DCP2: variants seen among roughly 807,000 people sequenced by gnomAD.
DCP2 encodes the protein decapping mRNA 2.
Under a neutral mutation model 56.1 loss-of-function variants are expected in DCP2, and 30 were observed. The observed-to-expected ratio is 0.53, with a 90% confidence interval of 0.40 to 0.73. The LOEUF (loss-of-function observed/expected upper bound fraction) is 0.73. Ranked by LOEUF, DCP2 falls within the 30% of genes least tolerant of loss-of-function variation. The probability of loss-of-function intolerance (pLI) is 0.00; values close to 1 mark genes in which losing one functional copy is unlikely to be tolerated. For missense variants in DCP2, 533 were observed against 502.7 expected (o/e 1.06, Z -0.58); for synonymous variants, 197 against 163.3 (o/e 1.21, Z -1.57).
chr5:113,020,061 A>G lies in DCP2; in HGVS notation c.*6577A>G, dbSNP rs982079851. ...ATGTTAATGGAGGATACATAGTCTT[A>G]AAACAATTTGTTTGGGAGTAAGTTT... On this transcript the variant is annotated 3_prime_UTR_variant, in exon 11 of 11. Coordinates refer to ENST00000389063, the MANE Select transcript of DCP2 (RefSeq NM_152624.6). 3 of 152,260 alleles carry G rather than the reference A, an allele frequency of 2.0e-5. No homozygotes were observed. Among genetic ancestry groups the G allele is most frequent in the Admixed American group, 2.0e-4 (3 of 15,290 alleles). 9.4% of individuals were successfully genotyped at this position (152,260 alleles called of 1,614,324 possible).
intron 1 of DCP2, among the ~76,000 whole-genome samples, chr5:112,983,446 G>C (rs1479920350): frequency 6.6e-6 from 1 of 152,164 alleles, no homozygotes; most frequent in Non-Finnish European, 1.5e-5. Flanking sequence ...TCACATTGTT[G>C]ACCAGGCTGA....
intron 1 of DCP2, chr5:112,984,699 A>ATATATATATATAT (rs377520502): frequency 7.5e-4 from 59 of 78,486 alleles, no homozygotes; most frequent in African/African-American, 2.9e-3. Flanking sequence ...AAAAAAAAAA[A>ATATATATATATAT]AAAAATATAT....
In DCP2 at chr5:113,022,173, TAAATG is replaced by T. The variant is rs879071897; in HGVS notation, c.*8690_*8694del. 1.3e-5 allele frequency: 2 copies of T among 152,564 alleles called. No individual in the cohort carries two copies. Among genetic ancestry groups the T allele is most frequent in the East Asian group, 1.9e-4 (1 of 5,204 alleles). The allele number at this position is 152,564 out of a possible 1,614,324, so 9.5% of individuals were successfully genotyped here. A position where few individuals can be genotyped will look rare whatever the true frequency, so the allele number is the denominator to read the frequency against. On this transcript the variant is annotated 3_prime_UTR_variant, in exon 11 of 11. Transcript: ENST00000389063. The stretch of plus-strand genomic sequence containing the variant: ...AATATTATAAATGTCTCTGTATAAA[TAAATG>T]GAGTTTTTAAAAAACAATTCTATAT...
intron 10 of DCP2, among the ~76,000 whole-genome samples, chr5:113,012,501 C>G (rs1408618039): frequency 6.6e-6 from 1 of 152,152 alleles, no homozygotes; most frequent in East Asian, 1.9e-4. Context: ...TCTTTCTACC[C>G]CAGCCTCTTG....
rs1412947397 is a variant in DCP2 at position 113,022,190 on chromosome 5, AAAC to A, written c.*8709_*8711del. Reference sequence around the variant, plus strand: ...TGTATAAATAAATGGAGTTTTTAAAAAACAATTCTATATCAAATAACGCAAAGT... The same window carrying A: ...TGTATAAATAAATGGAGTTTTTAAAAAATTCTATATCAAATAACGCAAAGT... On this transcript the variant is annotated 3_prime_UTR_variant, in exon 11 of 11. Coordinates refer to ENST00000389063, the MANE Select transcript of DCP2 (RefSeq NM_152624.6). The A allele has an allele frequency of 1.3e-5, 2 of 152,664 alleles. No individual in the cohort carries two copies. Among genetic ancestry groups the A allele is most frequent in the East Asian group, 1.9e-4 (1 of 5,194 alleles). The allele number at this position is 152,664 out of a possible 1,614,324, so 9.5% of individuals were successfully genotyped here. A position where few individuals can be genotyped will look rare whatever the true frequency, so the allele number is the denominator to read the frequency against.
chr5:113,001,767 G>A, intron 7 of DCP2, 93 bp downstream of exon 7: 1 of 1,208,900 alleles, frequency 8.3e-7, no homozygotes, highest in African/African-American at 1.5e-5. Flanking sequence ...GAGGATGTAA[G>A]ATTTCTTTTT....
chr5:113,017,247 C>T lies in DCP2; in HGVS notation c.*3763C>T, dbSNP rs1438836309. Reference sequence around the variant, plus strand: ...AATTTTGACTTGGATTATTTTCTAGCCTGGGGGATGGGGTTCATATGTGTT... The same window carrying T: ...AATTTTGACTTGGATTATTTTCTAGTCTGGGGGATGGGGTTCATATGTGTT... On this transcript the variant is annotated 3_prime_UTR_variant, in exon 11 of 11. Transcript: ENST00000389063. The T allele has an allele frequency of 6.6e-6, 1 of 152,140 alleles. No individual in the cohort carries two copies. The highest frequency in any genetic ancestry group is 1.5e-5 in the Non-Finnish European group (1 of 68,030). The allele number at this position is 152,140 out of a possible 1,614,324, so 9.4% of individuals were successfully genotyped here.
chr5:113,000,133 A>AT (rs1407594646), intron 4 of DCP2, among the ~76,000 whole-genome samples: 7 of 151,456 alleles, frequency 4.6e-5, no homozygotes, highest in South Asian at 2.1e-4. Context: ...TTTTATCTAC[A>AT]TTTTTTTGTA....
chr5:113,000,399 TACACAC>T (rs758225763), intron 4 of DCP2, among the ~76,000 whole-genome samples: 2 of 123,590 alleles, frequency 1.6e-5, no homozygotes, highest in Non-Finnish European at 3.6e-5. Context: ...ACTTGTCTAA[TACACAC>T]ACACACACAC....
chr5:113,007,621 C>T (rs1749500265), intron 8 of DCP2, among the ~76,000 whole-genome samples: 2 of 151,944 alleles, frequency 1.3e-5, no homozygotes, highest in South Asian at 2.1e-4. Context: ...AGGATGGTCT[C>T]ATCTCAACCT....
Position 113,021,652 on chromosome 5 carries a change from TTTA to T in DCP2, c.*8171_*8173del, listed in dbSNP as rs1233973811. Among the ~76,000 whole-genome samples, 1 of 151,718 alleles carries T rather than the reference TTTA, an allele frequency of 6.6e-6. No individual in the cohort carries two copies. The highest frequency in any genetic ancestry group is 1.9e-4 in the East Asian group (1 of 5,174). The stretch of plus-strand genomic sequence containing the variant: ...AGACCTCAGCTATATGATAGTAACT[TTTA>T]TTTTAAATTCTCAAAAGGAGAGTGA... On this transcript the variant is annotated 3_prime_UTR_variant, in exon 11 of 11. Transcript: ENST00000389063.
chr5:112,980,320 G>T (rs1220095955), intron 1 of DCP2, among the ~76,000 whole-genome samples: 1 of 152,154 alleles, frequency 6.6e-6, no homozygotes, highest in Admixed American at 6.5e-5. Context: ...GTATTTTCTG[G>T]CAACTAGTGT....
At chr5:112,977,460 C>T (rs2150163273) in intron 1 of DCP2, among the ~76,000 whole-genome samples, 1 of 152,276 alleles carries the variant, frequency 6.6e-6, no homozygotes, top group African/African-American at 2.4e-5. Flanking sequence ...GCGCAAGGAG[C>T]AAATTTTCGG....
rs1461966208 is a variant in DCP2, at chr5:112,986,525, T to TG, written c.205+544dup. ...ATTTTTTTTTTATGTTTTCTAAAAATGGGGGTCTCTCTTTGTTGCTGAGGC... is the reference window on the plus strand; with the variant it reads ...ATTTTTTTTTTATGTTTTCTAAAAATGGGGGGTCTCTCTTTGTTGCTGAGGC... On this transcript the variant is annotated intron_variant, in intron 2 of 10. Transcript: ENST00000389063. Among the ~76,000 whole-genome samples, 4 of 151,856 alleles carry TG rather than the reference T, an allele frequency of 2.6e-5. No individual in the cohort carries two copies. The East Asian group carries it at 7.7e-4, about 29-fold the overall frequency.
At chr5:112,989,161 A>G (rs1406603773) in intron 2 of DCP2, among the ~76,000 whole-genome samples, 1 of 152,206 alleles carries the variant, frequency 6.6e-6, no homozygotes, top group Non-Finnish European at 1.5e-5. Flanking sequence ...GATGTGATAC[A>G]GAAGCACAGT....
At chr5:112,988,282 A>G (rs977600197) in intron 2 of DCP2, among the ~76,000 whole-genome samples, 9 of 151,044 alleles carry the variant, frequency 6.0e-5, no homozygotes, top group Non-Finnish European at 1.3e-4. Flanking sequence ...GGAGATCGAG[A>G]CCATCCTGGC....
intron 1 of DCP2, chr5:112,984,663 C>T (rs563433365): frequency 1.2e-4 from 14 of 119,748 alleles, no homozygotes; most frequent in Non-Finnish European, 2.0e-4. Context: ...TCCAGTGTTG[C>T]AGTGTTGTTT....
At chr5:113,005,530 AC>A (rs1181684671) in intron 8 of DCP2, among the ~76,000 whole-genome samples, 11 of 152,340 alleles carry the variant, frequency 7.2e-5, no homozygotes, top group African/African-American at 2.2e-4. Context: ...ATGTGGAGAA[AC>A]TGGAGACCTT....
At chr5:112,989,793 G>A (rs1219641603) in intron 2 of DCP2, among the ~76,000 whole-genome samples, 1 of 152,162 alleles carries the variant, frequency 6.6e-6, no homozygotes, top group East Asian at 1.9e-4. Context: ...ACAGTGAACT[G>A]GGGGAAGGCA....
Sources: allele counts gnomAD v4.1 joint callset (sites outside exome capture counted in the v4.1 genomes callset), GRCh38; gene constraint gnomAD v4.1.1; transcripts MANE v1.5; gene names NCBI Gene and HGNC (gene_info 2026-07-23, HGNC 2026-07-21).